The following ZFTA variants were observed in gnomAD, a reference collection of about 807,000 sequenced individuals.
The protein encoded by ZFTA is zinc finger translocation-associated protein.
In ZFTA, 35 loss-of-function variants were observed where a neutral mutation model predicts 41.8. The observed-to-expected ratio is 0.84, with a 90% confidence interval of 0.64 to 1.11. The LOEUF (loss-of-function observed/expected upper bound fraction) is 1.11, where lower values mean the gene tolerates loss of function less well. Among genes scored for constraint, ZFTA ranks in the 50% most tolerant of loss-of-function variants. ZFTA has a pLI of 0.00. For synonymous variants in ZFTA, 514 were observed against 436.4 expected (o/e 1.18, Z -2.22); for missense variants, 964 against 989.8 (o/e 0.97, Z 0.35).
rs1428657293 is a variant in ZFTA at position 63,764,780 on chromosome 11, CCCTAAGT to C, written c.1024+81_1024+87del. 10 of 1,420,048 alleles carry C rather than the reference CCCTAAGT, an allele frequency of 7.0e-6. No homozygotes were observed. In the South Asian group the frequency reaches 9.0e-5, roughly 13 times the overall value. 88.0% of individuals were successfully genotyped at this position (1,420,048 alleles called of 1,614,324 possible). A position where few individuals can be genotyped will look rare whatever the true frequency, so the allele number is the denominator to read the frequency against. On this transcript the variant is annotated intron_variant, in intron 3 of 4. Transcript: ENST00000433688. ...CCAGCTCCTGGCCTTCAGCCCTCAG[CCCTAAGT>C]CCCTGCCTCCCAGTTTTGGCCACAG...
chr11:63,764,381 G>C lies in ZFTA; in HGVS notation c.1242C>G (p.His414Gln). ...VPGRSPRGRA[H>Q]RRHPQERWRL... ...GCCAGCGCTCCTGGGGGTGGCGGCG[G>C]TGGGCGCGGCCCCGCGGCGACCGGC... is the stretch of plus-strand genomic sequence containing the variant. Residue 414 changes from histidine to glutamine, a missense_variant, in exon 4 of 5, where the codon CAC becomes CAG. His to Gln is a conservative substitution (Grantham distance 24). Around this residue, in one of 5 missense-constraint regions of ZFTA, gnomAD observed 584 missense variants for 523.1 expected, o/e 1.12. Coordinates refer to ENST00000433688, the MANE Select transcript of ZFTA (RefSeq NM_001144936.2). The C allele has an allele frequency of 7.6e-7, 1 of 1,310,612 alleles. No homozygotes were observed. Among genetic ancestry groups the C allele is most frequent in the African/African-American group, 1.6e-5 (1 of 64,200 alleles). The allele number at this position is 1,310,612 out of a possible 1,614,324, so 81.2% of individuals were successfully genotyped here.
chr11:63,764,341 T>C lies in ZFTA; in HGVS notation c.1282A>G (p.Met428Val), dbSNP rs1431606488. ...CCGCGCCGGCCGCCGTCCAACTCCA[T>C]GAGGTACTCCAGCCGCCAGCGCTCC... ...PQERWRLEYL[M>V]ELDGGRRGLV... is the part of the protein sequence containing the mutation. Residue 428 changes from methionine (M) to valine (V), a missense_variant, in exon 4 of 5, where the codon ATG becomes GTG. Around this residue, in one of 5 missense-constraint regions of ZFTA, gnomAD observed 584 missense variants for 523.1 expected, o/e 1.12. Coordinates refer to ENST00000433688, the MANE Select transcript of ZFTA (RefSeq NM_001144936.2). The C allele has an allele frequency of 2.2e-6, 3 of 1,355,426 alleles. No homozygotes were observed. The highest frequency in any genetic ancestry group is 3.8e-5 in the Admixed American group (1 of 26,006). The allele number at this position is 1,355,426 out of a possible 1,614,324, so 84.0% of individuals were successfully genotyped here.
At position 63,765,496 on chromosome 11, in the gene ZFTA, C is replaced by T. The variant is rs920182202; in HGVS notation, c.638-242G>A. Among the ~76,000 whole-genome samples, 1 of 152,128 alleles carries T rather than the reference C, an allele frequency of 6.6e-6. No homozygotes were observed. The highest frequency in any genetic ancestry group is 1.5e-5 in the Non-Finnish European group (1 of 68,010). ...GGCCTTCACCGTCAGCCACACCTCTCCAGCACCCTCCCCTTCCCTCACCCA... is the reference window on the plus strand; with the variant it reads ...GGCCTTCACCGTCAGCCACACCTCTTCAGCACCCTCCCCTTCCCTCACCCA... On this transcript the variant is annotated intron_variant, in intron 2 of 4. Transcript: ENST00000433688. The surrounding 1 kb of genome is among the most constrained non-coding windows in gnomAD (Gnocchi z 4.0).
Position 63,762,208 on chromosome 11 carries a change from C to G in ZFTA, c.*1210G>C, listed in dbSNP as rs1383263040. On this transcript the variant is annotated 3_prime_UTR_variant, in exon 5 of 5. Coordinates refer to ENST00000433688, the MANE Select transcript of ZFTA (RefSeq NM_001144936.2). The stretch of plus-strand genomic sequence containing the variant: ...AGGTCCTCCCTCCACCACCTCACAG[C>G]TTATCTCTGATACACGCATAATAAA... The G allele has an allele frequency of 6.6e-6, 1 of 152,464 alleles. No individual in the cohort carries two copies. The highest frequency in any genetic ancestry group is 1.5e-5 in the Non-Finnish European group (1 of 68,178). 9.4% of individuals were successfully genotyped at this position (152,464 alleles called of 1,614,324 possible).
At position 63,768,467 on chromosome 11, in the gene ZFTA, C is replaced by A; in HGVS notation, c.139+17G>T. 1 of 1,122,046 alleles carries A rather than the reference C, an allele frequency of 8.9e-7. No homozygotes were observed. The highest frequency in any genetic ancestry group is 1.1e-6 in the Non-Finnish European group (1 of 915,028). 69.5% of individuals were successfully genotyped at this position (1,122,046 alleles called of 1,614,324 possible). On this transcript the variant is annotated intron_variant, in intron 1 of 4. Transcript: ENST00000433688. ...CACGCCGGGGCCCCCGCCCGGGCCGCCGGCCCCAGCTCTTACCGCCTTCGT... is the reference window on the plus strand; with the variant it reads ...CACGCCGGGGCCCCCGCCCGGGCCGACGGCCCCAGCTCTTACCGCCTTCGT...
chr11:63,764,714 GTCTC>G, intron 3 of ZFTA, 116 bp from the exon 4 acceptor site: 2 of 1,348,622 alleles, frequency 1.5e-6, no homozygotes, highest in Non-Finnish European at 1.9e-6. Context: ...GCCCCAGTCT[GTCTC>G]TGTCTGGGGG....
In ZFTA at chr11:63,763,215, C is replaced by T. The variant is rs527344090; in HGVS notation, c.*203G>A. 2.7e-3 allele frequency: 619 copies of T among 231,946 alleles called. 1 individual carries two copies. The highest frequency in any genetic ancestry group is 0.014 in the African/African-American group (603 of 42,820). The allele number at this position is 231,946 out of a possible 1,614,324, so 14.4% of individuals were successfully genotyped here. On this transcript the variant is annotated 3_prime_UTR_variant, in exon 5 of 5. Coordinates refer to ENST00000433688, the MANE Select transcript of ZFTA (RefSeq NM_001144936.2). Reference sequence around the variant, plus strand: ...GCGCTTCCCGCAGCGCACCGACTGGCTCAGGGACCCAAGTGGCACCGCGCA... The same window carrying T: ...GCGCTTCCCGCAGCGCACCGACTGGTTCAGGGACCCAAGTGGCACCGCGCA...
In ZFTA at chr11:63,763,395, T is replaced by TGACCC; in HGVS notation, c.*18_*22dup. ...GGGGCCGATCCGACCCGACCCGACC[T>TGACCC]GACCCGGGGGCCCGCTAGGCCGCTA... is the stretch of plus-strand genomic sequence containing the variant. On this transcript the variant is annotated 3_prime_UTR_variant, in exon 5 of 5. Transcript: ENST00000433688. 1.6e-6 allele frequency: 2 copies of TGACCC among 1,268,216 alleles called. No homozygotes were observed. Among genetic ancestry groups the TGACCC allele is most frequent in the Non-Finnish European group, 1.0e-6 (1 of 1,003,596 alleles). The allele number at this position is 1,268,216 out of a possible 1,614,324, so 78.6% of individuals were successfully genotyped here.
rs962110368 is a variant in ZFTA, at chr11:63,765,842, CCCTCCTCCTCCTCCTCTTCTTCCT to C, written c.578_601del (p.Glu193_Glu200del). 1.7e-5 allele frequency: 25 copies of C among 1,492,772 alleles called. No homozygotes were observed. The highest frequency in any genetic ancestry group is 5.4e-5 in the South Asian group (4 of 74,546). 92.5% of individuals were successfully genotyped at this position (1,492,772 alleles called of 1,614,324 possible). On this transcript the variant is annotated inframe_deletion, in exon 2 of 5. Transcript: ENST00000433688. The surrounding 1 kb of genome is among the most constrained non-coding windows in gnomAD (Gnocchi z 4.0). ...GGGCGGGCAAGCTGGGACACCGGCC[CCCTCCTCCTCCTCCTCTTCTTCCT>C]CCTCCTCCTCCTCCTCAGCCCCCTG... is the stretch of plus-strand genomic sequence containing the variant.
chr11:63,765,057 G>T lies in ZFTA; in HGVS notation c.835C>A (p.Arg279=), dbSNP rs1272126226. 5.2e-6 allele frequency: 8 copies of T among 1,548,758 alleles called. No homozygotes were observed. The highest frequency in any genetic ancestry group is 7.0e-6 in the Non-Finnish European group (8 of 1,146,436). The change falls in exon 3 of 5, where the codon CGG becomes AGG. Residue 279 remains arginine (R), a synonymous_variant. Coordinates refer to ENST00000433688, the MANE Select transcript of ZFTA (RefSeq NM_001144936.2). This position sits in a 1 kb window ranked among gnomAD's most constrained non-coding sequence, Gnocchi z 4.0. ...RAECLMDYDP[R]GNRLVCMACG... The stretch of plus-strand genomic sequence containing the variant: ...GCCATGCACACCAGCCGGTTCCCCC[G>T]CGGGTCATAGTCCATGAGACACTCG...
At chr11:63,763,915 G>A (rs2014697377) in intron 4 of ZFTA, 46 bp from the exon 5 acceptor site, 7 of 1,391,422 alleles carry the variant, frequency 5.0e-6, no homozygotes, top group South Asian at 3.2e-5. Context: ...GGGGGCAGCG[G>A]GCTGGGCCCC....
Position 63,764,570 on chromosome 11 carries a change from G to T in ZFTA, c.1053C>A (p.Thr351=). The T allele has an allele frequency of 8.0e-7, 1 of 1,253,928 alleles. No individual in the cohort carries two copies. Among genetic ancestry groups the T allele is most frequent in the Non-Finnish European group, 1.0e-6 (1 of 995,112 alleles). The allele number at this position is 1,253,928 out of a possible 1,614,324, so 77.7% of individuals were successfully genotyped here. ...CGGAGGCCGAGTCCCGGCTCTTTCC[G>T]GTCAGGTCCTGGGGGGCGAGGTCAT... ...PGDDLAPQDL[T]GKSRDSASAA... is the part of the protein sequence containing the mutation. The change falls in exon 4 of 5, where the codon ACC becomes ACA. Residue 351 remains threonine (T), a synonymous_variant. Coordinates refer to ENST00000433688, the MANE Select transcript of ZFTA (RefSeq NM_001144936.2).
rs572902623 is a variant in ZFTA at position 63,765,052 on chromosome 11, C to T, written c.840G>A (p.Gly280=). Reference sequence around the variant, plus strand: ...CACAGGCCATGCACACCAGCCGGTTCCCCCGCGGGTCATAGTCCATGAGAC... The same window carrying T: ...CACAGGCCATGCACACCAGCCGGTTTCCCCGCGGGTCATAGTCCATGAGAC... ...AECLMDYDPR[G]NRLVCMACGR... The change falls in exon 3 of 5, where the codon GGG becomes GGA. Residue 280 remains glycine, a synonymous_variant. Transcript: ENST00000433688. This position sits in a 1 kb window ranked among gnomAD's most constrained non-coding sequence, Gnocchi z 4.0. 16 of 1,548,834 alleles carry T rather than the reference C, an allele frequency of 1.0e-5. 1 individual carries two copies. In the South Asian group the frequency reaches 1.5e-4, roughly 15 times the overall value.
chr11:63,766,114 C>T lies in ZFTA; in HGVS notation c.330G>A (p.Arg110=). The change falls in exon 2 of 5, where the codon CGG becomes CGA. Residue 110 remains arginine, a synonymous_variant. Transcript: ENST00000433688. The part of the protein sequence containing the change: ...DHRRYYHDHW[R]LEYLMDFNPA... ...GGTTGAAGTCCATCAGGTACTCCAG[C>T]CGCCAGTGGTCGTGGTAGTAGCGCC... is the stretch of plus-strand genomic sequence containing the variant. 6.6e-7 allele frequency: 1 copy of T among 1,521,344 alleles called. No individual in the cohort carries two copies. Among genetic ancestry groups the T allele is most frequent in the Non-Finnish European group, 8.9e-7 (1 of 1,129,892 alleles). The allele number at this position is 1,521,344 out of a possible 1,614,324, so 94.2% of individuals were successfully genotyped here. A position where few individuals can be genotyped will look rare whatever the true frequency, so the allele number is the denominator to read the frequency against.
In ZFTA at chr11:63,762,262, GT is replaced by G. The variant is rs2014655232; in HGVS notation, c.*1155del. 6.6e-6 allele frequency: 1 copy of G among 151,950 alleles called. No individual in the cohort carries two copies. The highest frequency in any genetic ancestry group is 2.4e-5 in the African/African-American group (1 of 41,322). The allele number at this position is 151,950 out of a possible 1,614,324, so 9.4% of individuals were successfully genotyped here. ...GACATTTGCACATAAGGGTGACTGG[GT>G]CAGCTCTGTCCCCGCCCCTCCCCCT... On this transcript the variant is annotated 3_prime_UTR_variant, in exon 5 of 5. Transcript: ENST00000433688.
In ZFTA at chr11:63,764,462, G is replaced by C. The variant is rs1161196137; in HGVS notation, c.1161C>G (p.Pro387=). 1.2e-5 allele frequency: 15 copies of C among 1,262,582 alleles called. No individual in the cohort carries two copies. The highest frequency in any genetic ancestry group is 1.5e-5 in the Non-Finnish European group (15 of 1,000,838). 78.2% of individuals were successfully genotyped at this position (1,262,582 alleles called of 1,614,324 possible). A position where few individuals can be genotyped will look rare whatever the true frequency, so the allele number is the denominator to read the frequency against. The change falls in exon 4 of 5, where the codon CCC becomes CCG. Residue 387 remains proline, a synonymous_variant. Coordinates refer to ENST00000433688, the MANE Select transcript of ZFTA (RefSeq NM_001144936.2). ...CCTCCAGCTCCTCCTCCTCCTCTGC[G>C]GGCCCGGGCCTCTCAGGGACCCAGC... ...EAGWVPERPG[P]AEEEEELEEG... is the part of the protein sequence containing the mutation.
At position 63,764,309 on chromosome 11, in the gene ZFTA, C is replaced by T; in HGVS notation, c.1314G>A (p.Val438=). The T allele has an allele frequency of 7.1e-7, 1 of 1,409,288 alleles. No individual in the cohort carries two copies. The highest frequency in any genetic ancestry group is 9.2e-7 in the Non-Finnish European group (1 of 1,087,476). The allele number at this position is 1,409,288 out of a possible 1,614,324, so 87.3% of individuals were successfully genotyped here. A position where few individuals can be genotyped will look rare whatever the true frequency, so the allele number is the denominator to read the frequency against. The change falls in exon 4 of 5, where the codon GTG becomes GTA. Residue 438 remains valine, a synonymous_variant. Coordinates refer to ENST00000433688, the MANE Select transcript of ZFTA (RefSeq NM_001144936.2). ...MELDGGRRGL[V]CGVCGGALAS... ...CCAGCGCGCCCCCGCACACCCCGCA[C>T]ACCAGGCCGCGCCGGCCGCCGTCCA...
chr11:63,764,121 G>T lies in ZFTA; in HGVS notation c.1502C>A (p.Pro501His). 7.5e-7 allele frequency: 1 copy of T among 1,338,718 alleles called. No homozygotes were observed. 82.9% of individuals were successfully genotyped at this position (1,338,718 alleles called of 1,614,324 possible). The stretch of plus-strand genomic sequence containing the variant: ...GGCTGCGGCAGTGCCGGGGGGGATG[G>T]GGCCCTGGGGGGACTCGGGGCGGGG... ...GPPRPESPQG[P>H]IPPGTAAASD... Residue 501 changes from proline (P) to histidine (H), a missense_variant, in exon 4 of 5, where the codon CCC becomes CAC. By Grantham distance (77) the Pro-to-His change is moderately conservative. Transcript: ENST00000433688.
intron 1 of ZFTA, chr11:63,767,590 G>A (rs1433217605): frequency 6.6e-6 from 1 of 152,198 alleles, no homozygotes; most frequent in Non-Finnish European, 1.5e-5. Context: ...CCGAAAAAGG[G>A]GGAGGAGCCG....
Sources: allele counts gnomAD v4.1 joint callset (sites outside exome capture counted in the v4.1 genomes callset), GRCh38; gene constraint gnomAD v4.1.1; regional missense constraint gnomAD v4.1.1; non-coding constraint Gnocchi (gnomAD v3.1); transcripts MANE v1.5; gene names NCBI Gene and HGNC (gene_info 2026-07-23, HGNC 2026-07-21).